BOP1: variants seen among roughly 807,000 people sequenced by gnomAD.
BOP1 encodes the protein ribosome biogenesis protein BOP1.
Under a neutral mutation model 82.9 loss-of-function variants are expected in BOP1, and 54 were observed. That is an observed-to-expected ratio of 0.65 (90% CI 0.52 to 0.82). The LOEUF is 0.82. Ranked by LOEUF, BOP1 falls within the 40% of genes least tolerant of loss-of-function variation. The probability of loss-of-function intolerance (pLI) is 0.00; values close to 1 mark genes in which losing one functional copy is unlikely to be tolerated. For synonymous variants in BOP1, 566 were observed against 451.1 expected (o/e 1.25, Z -3.23); for missense variants, 1,170 against 1,072.0 (o/e 1.09, Z -1.28).
intron 2 of BOP1, among the ~76,000 whole-genome samples, chr8:144,286,961 G>A (rs1395657559): frequency 1.3e-5 from 2 of 152,226 alleles, no homozygotes; most frequent in Non-Finnish European, 2.9e-5. Flanking sequence ...CCTAGACTCC[G>A]CAGACACCTC....
Position 144,264,778 on chromosome 8 carries a change from T to G in BOP1, c.599A>C (p.Gln200Pro). The change falls in exon 5 of 16, where the codon CAG becomes CCG. Residue 200 changes from glutamine to proline, a missense_variant. Coordinates refer to ENST00000569669, the MANE Select transcript of BOP1 (RefSeq NM_015201.5). ...TGRDLRLTDE[Q>P]VALVRRLQSG... is the part of the protein sequence containing the mutation. The stretch of plus-strand genomic sequence containing the variant: ...CTGCAGCCGCCGCACCAGGGCCACC[T>G]GCTCATCCGTCAGTCTCAGGTCCCG... The G allele has an allele frequency of 6.2e-7, 1 of 1,607,382 alleles. No individual in the cohort carries two copies.
At chr8:144,286,004 G>T (rs1814857467) in intron 2 of BOP1, among the ~76,000 whole-genome samples, 1 of 152,238 alleles carries the variant, frequency 6.6e-6, no homozygotes. Flanking sequence ...GAACATGCAG[G>T]AGGCAGCACT....
chr8:144,291,175 C>T lies in BOP1; in HGVS notation c.99+97G>A. On this transcript the variant is annotated intron_variant, in intron 1 of 15. Transcript: ENST00000569669. The surrounding 1 kb of genome is among the most constrained non-coding windows in gnomAD (Gnocchi z 4.1). The stretch of plus-strand genomic sequence containing the variant: ...AGACCGATTCACTGGGCGCGGGCGC[C>T]CAGGTGACAGAAGCCGGGCCCACCC... The T allele has an allele frequency of 9.0e-7, 1 of 1,115,860 alleles. No homozygotes were observed. Among genetic ancestry groups the T allele is most frequent in the African/African-American group, 1.7e-5 (1 of 59,198 alleles). 69.1% of individuals were successfully genotyped at this position (1,115,860 alleles called of 1,614,324 possible). A position where few individuals can be genotyped will look rare whatever the true frequency, so the allele number is the denominator to read the frequency against.
chr8:144,262,163 G>C lies in BOP1; in HGVS notation c.*1C>G, dbSNP rs1845199831. ...ACCCCAGCCCCAGGCAGGCAGAACAGCTAGGTGAAGAGGCGGACAGTCCCG... is the reference window on the plus strand; with the variant it reads ...ACCCCAGCCCCAGGCAGGCAGAACACCTAGGTGAAGAGGCGGACAGTCCCG... On this transcript the variant is annotated 3_prime_UTR_variant, in exon 16 of 16. Transcript: ENST00000569669. The C allele has an allele frequency of 6.2e-7, 1 of 1,612,236 alleles. No individual in the cohort carries two copies. Among genetic ancestry groups the C allele is most frequent in the African/African-American group, 1.3e-5 (1 of 74,902 alleles).
intron 2 of BOP1, among the ~76,000 whole-genome samples, chr8:144,288,182 A>C (rs948783905): frequency 6.6e-6 from 1 of 151,688 alleles, no homozygotes; most frequent in Non-Finnish European, 1.5e-5. Context: ...AGACAGGAGA[A>C]TTGTTTGAAC....
chr8:144,268,145 G>T, intron 3 of BOP1: 1 of 1,551,264 alleles, frequency 6.4e-7, no homozygotes, highest in Non-Finnish European at 8.7e-7. Flanking sequence ...GCAGTTAGGA[G>T]GTGGCCGGCA....
rs1182693526 is a variant in BOP1, at chr8:144,291,427, C to T, written c.-57G>A. The T allele has an allele frequency of 5.7e-6, 6 of 1,050,000 alleles. No individual in the cohort carries two copies. Among genetic ancestry groups the T allele is most frequent in the Admixed American group, 5.1e-5 (1 of 19,436 alleles). 65.0% of individuals were successfully genotyped at this position (1,050,000 alleles called of 1,614,324 possible). A position where few individuals can be genotyped will look rare whatever the true frequency, so the allele number is the denominator to read the frequency against. ...GCCGCTTCCGACAGCGACCGGGCCG[C>T]GTGCGCAGGAGGACGCGCCCCGCCC... On this transcript the variant is annotated 5_prime_UTR_variant, in exon 1 of 16. Coordinates refer to ENST00000569669, the MANE Select transcript of BOP1 (RefSeq NM_015201.5). The surrounding 1 kb of genome is among the most constrained non-coding windows in gnomAD (Gnocchi z 4.1).
At position 144,262,906 on chromosome 8, in the gene BOP1, T is replaced by C. The variant is rs1400485492; in HGVS notation, c.1841A>G (p.Lys614Arg). Residue 614 changes from lysine to arginine, a missense_variant, in exon 13 of 16, where the codon AAG becomes AGG. Physicochemically the swap from Lys to Arg is conservative, Grantham distance 26 (BLOSUM62 2). Coordinates refer to ENST00000569669, the MANE Select transcript of BOP1 (RefSeq NM_015201.5). ...LYHLLRQELT[K>R]KLMPNCKWVS... is the part of the protein sequence containing the mutation. The stretch of plus-strand genomic sequence containing the variant: ...CCACTTGCAGTTGGGCATCAGCTTC[T>C]TGGTGAGCTCCTGGCGCAGCAGGTG... 3.2e-6 allele frequency: 5 copies of C among 1,542,938 alleles called. No homozygotes were observed. The highest frequency in any genetic ancestry group is 4.3e-6 in the Non-Finnish European group (5 of 1,151,054).
intron 2 of BOP1, among the ~76,000 whole-genome samples, chr8:144,288,271 G>GAAA (rs782356129): frequency 1.1e-5 from 1 of 91,782 alleles, no homozygotes; most frequent in Admixed American, 1.2e-4. Context: ...CTCTGTCTTA[G>GAAA]AAAAAAAAAA....
chr8:144,291,371 G>C lies in BOP1; in HGVS notation c.-1C>G. ...GCCCCGCACCCCGCGAACCCGCCAT[G>C]CCCCACCGCGCGCCGGCCGCCACCC... is the stretch of plus-strand genomic sequence containing the variant. On this transcript the variant is annotated 5_prime_UTR_variant, in exon 1 of 16. Coordinates refer to ENST00000569669, the MANE Select transcript of BOP1 (RefSeq NM_015201.5). This position sits in a 1 kb window ranked among gnomAD's most constrained non-coding sequence, Gnocchi z 4.1. The C allele has an allele frequency of 8.2e-7, 1 of 1,213,352 alleles. No individual in the cohort carries two copies. Among genetic ancestry groups the C allele is most frequent in the Non-Finnish European group, 1.0e-6 (1 of 979,808 alleles). 75.2% of individuals were successfully genotyped at this position (1,213,352 alleles called of 1,614,324 possible). A position where few individuals can be genotyped will look rare whatever the true frequency, so the allele number is the denominator to read the frequency against.
chr8:144,286,509 ACGCGGGCAGG>A (rs1554839490), intron 2 of BOP1, among the ~76,000 whole-genome samples: 5 of 128,048 alleles, frequency 3.9e-5, no homozygotes, highest in Non-Finnish European at 3.4e-5. Flanking sequence ...AGCACAGGAC[ACGCGGGCAGG>A]TGCATGGGCG....
intron 2 of BOP1, among the ~76,000 whole-genome samples, chr8:144,283,201 C>CAAAAAAAAAAAAA (rs60868806): frequency 0.023 from 1,268 of 54,162 alleles, 52 homozygotes; most frequent in Middle Eastern, 0.028. Flanking sequence ...AACTCCATCT[C>CAAAAAAAAAAAAA]AAAAAAAAAA....
chr8:144,266,564 G>T, intron 3 of BOP1: 5 of 1,006,476 alleles, frequency 5.0e-6, no homozygotes, highest in Non-Finnish European at 5.9e-6. Flanking sequence ...GCCGCAGGAG[G>T]CGGCATGAGC....
intron 3 of BOP1, 159 bp from the exon 4 acceptor site, chr8:144,265,230 T>C (rs1845333004): frequency 2.4e-6 from 2 of 850,472 alleles, no homozygotes; most frequent in Non-Finnish European, 3.6e-6. Context: ...TCCCCAGCCC[T>C]GGGGTCTGAC....
chr8:144,273,934 T>C (rs1845532618), intron 3 of BOP1, among the ~76,000 whole-genome samples: 1 of 152,122 alleles, frequency 6.6e-6, no homozygotes, highest in Non-Finnish European at 1.5e-5. Flanking sequence ...AGTACAGCTC[T>C]CCTGTGAGGG....
At position 144,283,522 on chromosome 8, in the gene BOP1, A is replaced by G. The variant is rs566844498; in HGVS notation, c.309+5573T>C. ...AAAATGGGGTCTCATTATATGGCAC[A>G]GGCTGGTCTTGAACTCCTGGGCTCA... On this transcript the variant is annotated intron_variant, in intron 2 of 15. Coordinates refer to ENST00000569669, the MANE Select transcript of BOP1 (RefSeq NM_015201.5). Among the ~76,000 whole-genome samples the G allele has an allele frequency of 1.5e-4, 23 of 152,348 alleles. No homozygotes were observed. In the South Asian group the frequency reaches 4.8e-3, roughly 32 times the overall value.
chr8:144,264,549 C>T lies in BOP1; in HGVS notation c.731G>A (p.Arg244His), dbSNP rs1485506535. Reference protein sequence around the residue: ...HPVTNRPADKRSFIPSLVEKE... With the variant: ...HPVTNRPADKHSFIPSLVEKE... ...CTCCACCAGGGAGGGGATGAAGCTG[C>T]GCTTGTCGGCCGGGCGGTTGGTCAC... Residue 244 changes from arginine (R) to histidine (H), a missense_variant, in exon 6 of 16, where the codon CGC becomes CAC. Arg to His is a conservative substitution (Grantham distance 29). Coordinates refer to ENST00000569669, the MANE Select transcript of BOP1 (RefSeq NM_015201.5). 76 of 1,610,126 alleles carry T rather than the reference C, an allele frequency of 4.7e-5. No individual in the cohort carries two copies. The highest frequency in any genetic ancestry group is 3.3e-4 in the South Asian group (30 of 90,644).
intron 2 of BOP1, among the ~76,000 whole-genome samples, chr8:144,279,769 C>T (rs1554838700): frequency 6.6e-6 from 1 of 152,180 alleles, no homozygotes; most frequent in East Asian, 1.9e-4. Context: ...GGGCTGAGGT[C>T]GTGAAGGCCG....
intron 2 of BOP1, among the ~76,000 whole-genome samples, chr8:144,287,067 T>C (rs1226261335): frequency 2.6e-5 from 4 of 152,246 alleles, no homozygotes; most frequent in Non-Finnish European, 5.9e-5. Flanking sequence ...TGGAGTGCAG[T>C]GGTGAGATCT....
Sources: allele counts gnomAD v4.1 joint callset (sites outside exome capture counted in the v4.1 genomes callset), GRCh38; gene constraint gnomAD v4.1.1; non-coding constraint Gnocchi (gnomAD v3.1); transcripts MANE v1.5; gene names NCBI Gene and HGNC (gene_info 2026-07-23, HGNC 2026-07-21).